TM9SF4: variants seen among roughly 807,000 people sequenced by gnomAD.
TM9SF4 encodes the protein transmembrane 9 superfamily member 4, also known as dinucleotide oxidase disulfide thiol exchanger 3 superfamily member 4.
Under a neutral mutation model 90.4 loss-of-function variants are expected in TM9SF4, and 26 were observed. That is an observed-to-expected ratio of 0.29 (90% CI 0.21 to 0.40). The LOEUF (loss-of-function observed/expected upper bound fraction) is 0.40. Ranked by LOEUF, TM9SF4 falls within the 10% of genes least tolerant of loss-of-function variation. TM9SF4 has a pLI of 1.00. For missense variants in TM9SF4, 549 were observed against 834.8 expected, an observed-to-expected ratio of 0.66 and a Z score of 4.22; for synonymous variants, 293 against 315.4, an observed-to-expected ratio of 0.93 and a Z score of 0.75.
In TM9SF4 at chr20:32,133,023, C is replaced by T. The variant is rs775182121; in HGVS notation, c.26C>T (p.Pro9Leu). Residue 9 changes from proline to leucine, a missense_variant, in exon 2 of 18, where the codon CCG becomes CTG. Physicochemically the swap from Pro to Leu is moderately conservative, Grantham distance 98. This residue lies in a region of TM9SF4 where 495 missense variants were observed against 711.7 expected (regional missense o/e 0.70). Transcript: ENST00000398022. MATAMDWL[P>L]WSLLLFSLMC... is the part of the protein sequence containing the mutation. Reference sequence around the variant, plus strand: ...CTCTCTTCTGAGCAGGATTGGTTGCCGTGGTCTTTACTGCTTTTCTCCCTG... The same window carrying T: ...CTCTCTTCTGAGCAGGATTGGTTGCTGTGGTCTTTACTGCTTTTCTCCCTG... The T allele has an allele frequency of 2.5e-6, 4 of 1,614,106 alleles. No homozygotes were observed. The highest frequency in any genetic ancestry group is 2.5e-6 in the Non-Finnish European group (3 of 1,179,988).
rs770655350 is a variant in TM9SF4 at position 32,145,220 on chromosome 20, G to A, written c.771+11G>A. On this transcript the variant is annotated intron_variant, in intron 7 of 17. Coordinates refer to ENST00000398022, the MANE Select transcript of TM9SF4 (RefSeq NM_014742.4). Reference sequence around the variant, plus strand: ...TCTGTCCACTGGGAGGTGAGAAGGGGCTGGAGCTCATGGGCAGGGGAGGAG... The same window carrying A: ...TCTGTCCACTGGGAGGTGAGAAGGGACTGGAGCTCATGGGCAGGGGAGGAG... The A allele has an allele frequency of 5.2e-5, 84 of 1,614,002 alleles. No individual in the cohort carries two copies. The highest frequency in any genetic ancestry group is 7.0e-5 in the Non-Finnish European group (83 of 1,179,936).
chr20:32,152,095 C>A (rs1457330153), intron 12 of TM9SF4, among the ~76,000 whole-genome samples: 1 of 151,258 alleles, frequency 6.6e-6, no homozygotes, highest in Non-Finnish European at 1.5e-5. Context: ...TGGTCTCGAT[C>A]TCCTGACCTC....
chr20:32,114,665 A>C (rs1019339024), intron 1 of TM9SF4, among the ~76,000 whole-genome samples: 8 of 152,190 alleles, frequency 5.3e-5, no homozygotes, highest in Non-Finnish European at 1.2e-4. Context: ...TAGCGTGCTA[A>C]TCAGGTTGGA....
At chr20:32,142,146 A>G (rs569079082) in intron 5 of TM9SF4, among the ~76,000 whole-genome samples, 1 of 151,446 alleles carries the variant, frequency 6.6e-6, no homozygotes, top group East Asian at 1.9e-4. Context: ...AAAACCGTGG[A>G]ACTTCATCAG....
chr20:32,141,045 G>A (rs1016480714), intron 3 of TM9SF4, among the ~76,000 whole-genome samples: 3 of 151,648 alleles, frequency 2.0e-5, no homozygotes, highest in South Asian at 4.2e-4. Flanking sequence ...GTGAAACCCC[G>A]TCTCTACTAA....
At chr20:32,110,763 T>C (rs781750372) in intron 1 of TM9SF4, among the ~76,000 whole-genome samples, 3 of 152,158 alleles carry the variant, frequency 2.0e-5, no homozygotes, top group Non-Finnish European at 2.9e-5. Context: ...GGAAGTTGGG[T>C]CAGAGCTTGC....
At chr20:32,146,431 C>T (rs1225632246) in intron 8 of TM9SF4, among the ~76,000 whole-genome samples, 1 of 152,148 alleles carries the variant, frequency 6.6e-6, no homozygotes, top group Non-Finnish European at 1.5e-5. Flanking sequence ...GGCCAGGAGC[C>T]AACTGAAGCA....
intron 12 of TM9SF4, among the ~76,000 whole-genome samples, chr20:32,153,488 C>T (rs1440208039): frequency 2.0e-5 from 3 of 152,216 alleles, no homozygotes; most frequent in African/African-American, 7.2e-5. Context: ...GTGGCTTGTG[C>T]CTCTAATCCC....
intron 1 of TM9SF4, among the ~76,000 whole-genome samples, chr20:32,126,504 C>T (rs568669153): frequency 1.3e-5 from 2 of 152,266 alleles, no homozygotes; most frequent in South Asian, 4.1e-4. Flanking sequence ...TAGATTTGCA[C>T]TCCTTCCCTG....
At chr20:32,147,333 A>T (rs2046778153) in intron 9 of TM9SF4, among the ~76,000 whole-genome samples, 1 of 152,204 alleles carries the variant, frequency 6.6e-6, no homozygotes, top group Admixed American at 6.5e-5. Flanking sequence ...AAAAAGTTTT[A>T]TTCACCCAAA....
At chr20:32,126,739 T>C (rs2046428267) in intron 1 of TM9SF4, among the ~76,000 whole-genome samples, 1 of 95,088 alleles carries the variant, frequency 1.1e-5, no homozygotes, top group South Asian at 3.1e-4. Flanking sequence ...AATTTCTTTT[T>C]TTTTTTTTTT....
At chr20:32,147,518 A>G (rs2046780724) in intron 9 of TM9SF4, among the ~76,000 whole-genome samples, 1 of 152,180 alleles carries the variant, frequency 6.6e-6, no homozygotes, top group Non-Finnish European at 1.5e-5. Flanking sequence ...AAAAAATGGC[A>G]CAGTTTAAAG....
At chr20:32,163,293 A>ATATG (rs1166558334) in intron 17 of TM9SF4, among the ~76,000 whole-genome samples, 12 of 56,378 alleles carry the variant, frequency 2.1e-4, no homozygotes, top group Non-Finnish European at 3.9e-4. Context: ...ATATATATAT[A>ATATG]TATGTATGTA....
chr20:32,123,866 A>ATATATATATATATATT, intron 1 of TM9SF4, among the ~76,000 whole-genome samples: 13 of 93,958 alleles, frequency 1.4e-4, no homozygotes, highest in African/African-American at 5.9e-4. Flanking sequence ...ATATATATAT[A>ATATATATATATATATT]TTTTTTTTTT....
chr20:32,145,260 T>C (rs2046747012), intron 7 of TM9SF4, 51 bp downstream of exon 7: 1 of 1,613,264 alleles, frequency 6.2e-7, no homozygotes, highest in Non-Finnish European at 8.5e-7. Flanking sequence ...CTGGTCTGTG[T>C]CAGGTTCTCC....
At chr20:32,142,910 G>A in intron 5 of TM9SF4, 72 bp from the exon 6 acceptor site, 2 of 1,579,402 alleles carry the variant, frequency 1.3e-6, no homozygotes, top group Non-Finnish European at 8.6e-7. Flanking sequence ...GCTGGGTGAG[G>A]CAAGGGCCCT....
chr20:32,122,160 A>C (rs1365556343), intron 1 of TM9SF4, among the ~76,000 whole-genome samples: 9 of 91,894 alleles, frequency 9.8e-5, no homozygotes, highest in African/African-American at 2.2e-4. Flanking sequence ...GGGGGGGGTG[A>C]CCCCCCCACC....
chr20:32,149,529 A>G, intron 9 of TM9SF4, 105 bp from the exon 10 acceptor site: 1 of 1,452,296 alleles, frequency 6.9e-7, no homozygotes, highest in Non-Finnish European at 9.5e-7. Context: ...GTGTCAGAGC[A>G]GCGCTGGTTG....
Position 32,150,605 on chromosome 20 carries a change from C to G in TM9SF4, c.1088-17C>G, listed in dbSNP as rs1400679889. 6.2e-7 allele frequency: 1 copy of G among 1,613,950 alleles called. No homozygotes were observed. The highest frequency in any genetic ancestry group is 1.3e-5 in the African/African-American group (1 of 74,950). On this transcript the variant is annotated splice_polypyrimidine_tract_variant and intron_variant, in intron 10 of 17. Transcript: ENST00000398022. ...ACCCTGCCTTTCTCTGCCCTTCCTC[C>G]CTCCCTCCCTCCACAGTTGTAGCCA...
Sources: allele counts gnomAD v4.1 joint callset (sites outside exome capture counted in the v4.1 genomes callset), GRCh38; gene constraint gnomAD v4.1.1; regional missense constraint gnomAD v4.1.1; transcripts MANE v1.5; gene names NCBI Gene and HGNC (gene_info 2026-07-23, HGNC 2026-07-21).